The following FGF14 variants were observed in gnomAD, a reference collection of about 807,000 sequenced individuals.
The protein encoded by FGF14 is fibroblast growth factor 14, also known as fibroblast growth factor homologous factor 4.
A neutral mutation model predicts 25.5 loss-of-function variants in FGF14; 5 were observed. The ratio of observed to expected loss-of-function variants is 0.20; its 90% CI spans 0.10 to 0.41. The LOEUF (loss-of-function observed/expected upper bound fraction) is 0.41. Ranked by LOEUF, FGF14 falls within the 10% of genes least tolerant of loss-of-function variation. The pLI, the probability that FGF14 is intolerant of heterozygous loss-of-function variation, is 1.00. For missense variants in FGF14, 222 were observed against 320.1 expected (o/e 0.69, Z 2.34); for synonymous variants, 138 against 118.3 (o/e 1.17, Z -1.08).
At position 101,909,532 on chromosome 13, in the gene FGF14, C is replaced by G. The variant is rs548309424; in HGVS notation, c.193+6921G>C. On this transcript the variant is annotated intron_variant, in intron 1 of 4. Transcript: ENST00000376143. ...GCCATCAGAGAAATGCAAATCAAAA[C>G]CACAATGAGATACCATCTCACACCA... Among the ~76,000 whole-genome samples, 16 of 152,226 alleles carry G rather than the reference C, an allele frequency of 1.1e-4. No homozygotes were observed. In the South Asian group the frequency reaches 3.3e-3, roughly 32 times the overall value.
At chr13:102,146,938 A>G (rs1435740183) in intron 1 of FGF14, among the ~76,000 whole-genome samples, 1 of 152,196 alleles carries the variant, frequency 6.6e-6, no homozygotes, top group Non-Finnish European at 1.5e-5. Context: ...TTAGTGATCA[A>G]TCCTTGGTTC....
chr13:102,276,353 G>GTATATA (rs10574334), intron 1 of FGF14, among the ~76,000 whole-genome samples: 25 of 103,290 alleles, frequency 2.4e-4, no homozygotes, highest in South Asian at 7.3e-4. Context: ...GTGTGTGTGT[G>GTATATA]TATATATATA....
At chr13:102,161,612 A>AGAC (rs1566764411) in intron 1 of FGF14, among the ~76,000 whole-genome samples, 2 of 5,694 alleles carry the variant, frequency 3.5e-4, no homozygotes, top group Non-Finnish European at 6.3e-4. Flanking sequence ...AAGAAGAAGA[A>AGAC]GAAGAAGAAG....
chr13:101,992,536 T>C (rs964653384), intron 1 of FGF14, among the ~76,000 whole-genome samples: 1 of 151,882 alleles, frequency 6.6e-6, no homozygotes, highest in Non-Finnish European at 1.5e-5. Flanking sequence ...GACCAGAAAT[T>C]TAAAACAATT....
chr13:102,394,405 C>A (rs2058515091), intron 1 of FGF14: 1 of 152,490 alleles, frequency 6.6e-6, no homozygotes, highest in Admixed American at 6.5e-5. Context: ...ACTGCCCGGT[C>A]CCCGGCCACC....
chr13:102,339,860 C>T (rs2056897676), intron 1 of FGF14, among the ~76,000 whole-genome samples: 1 of 152,100 alleles, frequency 6.6e-6, no homozygotes, highest in South Asian at 2.1e-4. Context: ...CGTAAACTCA[C>T]AGTAAAAAAG....
chr13:102,269,209 A>G (rs1336713), intron 1 of FGF14, among the ~76,000 whole-genome samples: 119,888 of 152,190 alleles, frequency 0.79, 48,049 homozygotes, highest in African/African-American at 0.94. Context: ...GGACATATGC[A>G]AATTCAACAG....
chr13:101,758,344 G>A (rs1398659509), intron 3 of FGF14, among the ~76,000 whole-genome samples: 1 of 152,192 alleles, frequency 6.6e-6, no homozygotes, highest in South Asian at 2.1e-4. Flanking sequence ...TGGGGACAGA[G>A]TAGGAGCGAG....
At chr13:102,156,182 C>T (rs1270842775) in intron 1 of FGF14, among the ~76,000 whole-genome samples, 3 of 152,064 alleles carry the variant, frequency 2.0e-5, no homozygotes, top group Non-Finnish European at 4.4e-5. Context: ...ATCCTGATAC[C>T]AAAGCCGGGC....
chr13:101,751,660 T>G (rs78262926), intron 3 of FGF14, among the ~76,000 whole-genome samples: 2,619 of 152,108 alleles, frequency 0.017, 73 homozygotes, highest in African/African-American at 0.059. Context: ...TTAAGGAAAG[T>G]ATGGTTGGAA....
intron 1 of FGF14, among the ~76,000 whole-genome samples, chr13:102,102,020 C>T (rs1372085034): frequency 6.6e-6 from 1 of 152,130 alleles, no homozygotes; most frequent in African/African-American, 2.4e-5. Context: ...CCTTTATGAA[C>T]TACACCCTGC....
At chr13:102,032,947 G>A (rs2041284554) in intron 1 of FGF14, among the ~76,000 whole-genome samples, 1 of 152,032 alleles carries the variant, frequency 6.6e-6, no homozygotes, top group Non-Finnish European at 1.5e-5. Flanking sequence ...GCTCACAGGG[G>A]CCAACTGTGG....
intron 1 of FGF14, among the ~76,000 whole-genome samples, chr13:102,289,120 T>C (rs2054254134): frequency 6.6e-6 from 1 of 152,194 alleles, no homozygotes; most frequent in South Asian, 2.1e-4. Context: ...TTAGTATTAC[T>C]AGAATTATGT....
chr13:101,714,559 A>G lies in FGF14; in HGVS notation c.*8272T>C, dbSNP rs2034628448. The G allele has an allele frequency of 6.6e-7, 1 of 1,505,586 alleles. No homozygotes were observed. The highest frequency in any genetic ancestry group is 9.2e-7 in the Non-Finnish European group (1 of 1,081,586). The allele number at this position is 1,505,586 out of a possible 1,614,324, so 93.3% of individuals were successfully genotyped here. A position where few individuals can be genotyped will look rare whatever the true frequency, so the allele number is the denominator to read the frequency against. The stretch of plus-strand genomic sequence containing the variant: ...ATGGTCTCATTTGTACAGGTGCAGT[A>G]TTAACCTTTTCTAATTGCTCTATGC... On this transcript the variant is annotated 3_prime_UTR_variant, in exon 5 of 5. Transcript: ENST00000376143.
At chr13:102,199,988 G>A (rs552419018) in intron 1 of FGF14, among the ~76,000 whole-genome samples, 1 of 152,250 alleles carries the variant, frequency 6.6e-6, no homozygotes, top group Non-Finnish European at 1.5e-5. Flanking sequence ...AAAGATCACA[G>A]GGCTTAGCAT....
chr13:102,232,050 A>G (rs1200629081), intron 1 of FGF14, among the ~76,000 whole-genome samples: 9 of 152,162 alleles, frequency 5.9e-5, no homozygotes. Context: ...ATTTTTTCTA[A>G]TCCTTATTCC....
chr13:101,812,647 ATATATATTTTTTTTTTTTT>A (rs1388938115), intron 3 of FGF14, among the ~76,000 whole-genome samples: 4 of 9,072 alleles, frequency 4.4e-4, no homozygotes, highest in African/African-American at 1.4e-3. Context: ...ATATATATAT[ATATATATTTTTTTTTTTTT>A]TTTTTTTTTT....
chr13:102,326,108 T>A (rs2056415904), intron 1 of FGF14, among the ~76,000 whole-genome samples: 1 of 152,188 alleles, frequency 6.6e-6, no homozygotes, highest in African/African-American at 2.4e-5. Flanking sequence ...ATTGTTCAAT[T>A]CAAATTTTAA....
At chr13:101,822,025 C>A (rs867271382) in intron 3 of FGF14, among the ~76,000 whole-genome samples, 6 of 152,206 alleles carry the variant, frequency 3.9e-5, no homozygotes, top group Middle Eastern at 3.4e-3. Flanking sequence ...CAGTTGATCA[C>A]TTATTTTTTT....
Sources: allele counts gnomAD v4.1 joint callset (sites outside exome capture counted in the v4.1 genomes callset), GRCh38; gene constraint gnomAD v4.1.1; transcripts MANE v1.5; gene names NCBI Gene and HGNC (gene_info 2026-07-23, HGNC 2026-07-21).